Variants in DPYD observed in about 807,000 individuals in gnomAD.
DPYD encodes dihydropyrimidine dehydrogenase [NADP(+)].
DPYD carries 109 observed loss-of-function variants against 116.2 expected under a neutral mutation model. The observed-to-expected ratio is 0.94, with a 90% confidence interval of 0.80 to 1.10. DPYD has a LOEUF of 1.10. Among genes scored for constraint, DPYD ranks in the 50% least tolerant of loss-of-function variants. DPYD has a pLI of 0.00. For missense variants in DPYD, 1,302 were observed against 1,254.5 expected (o/e 1.04, Z -0.57); for synonymous variants, 440 against 432.0 (o/e 1.02, Z -0.23).
At chr1:97,164,305 C>A (rs1420922168) in intron 20 of DPYD, among the ~76,000 whole-genome samples, 1 of 152,092 alleles carries the variant, frequency 6.6e-6, no homozygotes, top group Non-Finnish European at 1.5e-5. Context: ...ATATGACAAA[C>A]CCACAGCCAA....
intron 18 of DPYD, among the ~76,000 whole-genome samples, chr1:97,266,578 G>C (rs914256860): frequency 6.6e-6 from 1 of 151,676 alleles, no homozygotes; most frequent in African/African-American, 2.4e-5. Context: ...TGTGCACAAC[G>C]GGCAGGTTTG....
intron 20 of DPYD, among the ~76,000 whole-genome samples, chr1:97,113,843 A>G (rs796809974): frequency 2.0e-5 from 3 of 152,224 alleles, no homozygotes; most frequent in African/African-American, 7.2e-5. Context: ...GCATCTGGTA[A>G]CTTGACGATA....
At chr1:97,364,788 C>A (rs956181341) in intron 16 of DPYD, among the ~76,000 whole-genome samples, 1 of 152,136 alleles carries the variant, frequency 6.6e-6, no homozygotes, top group Non-Finnish European at 1.5e-5. Flanking sequence ...AAAGAGCCTT[C>A]AGTCTTCAGC....
chr1:97,272,567 C>T (rs962425508), intron 18 of DPYD, among the ~76,000 whole-genome samples: 2 of 152,078 alleles, frequency 1.3e-5, no homozygotes, highest in Non-Finnish European at 2.9e-5. Flanking sequence ...TCTCTATATA[C>T]TATAATTACA....
chr1:97,228,892 A>C lies in DPYD; in HGVS notation c.2442+5960T>G, dbSNP rs117940055. Among the ~76,000 whole-genome samples, 175 of 152,124 alleles carry C rather than the reference A, an allele frequency of 1.2e-3. 1 individual carries two copies. In the East Asian group the frequency reaches 0.031, roughly 27 times the overall value. On this transcript the variant is annotated intron_variant, in intron 19 of 22. Coordinates refer to ENST00000370192, the MANE Select transcript of DPYD (RefSeq NM_000110.4). ...GAGCTGTATGAAAAAGATTCGAACT[A>C]ACTGCAAGAAAGAATTTGAGGCTGG...
At position 97,177,037 on chromosome 1, in the gene DPYD, T is replaced by A. The variant is rs147730050; in HGVS notation, c.2622+16032A>T. ...TCCTACTAGACTTTGTTTCAGGTTA[T>A]CTAGGAAAACATTCTGAAACTCATC... On this transcript the variant is annotated intron_variant, in intron 20 of 22. Coordinates refer to ENST00000370192, the MANE Select transcript of DPYD (RefSeq NM_000110.4). Among the ~76,000 whole-genome samples, 276 of 152,252 alleles carry A rather than the reference T, an allele frequency of 1.8e-3. 3 individuals carry two copies. Among genetic ancestry groups the A allele is most frequent in the African/African-American group, 6.4e-3 (264 of 41,548 alleles).
chr1:97,861,539 T>A (rs938195659), intron 2 of DPYD, among the ~76,000 whole-genome samples: 1 of 151,906 alleles, frequency 6.6e-6, no homozygotes, highest in Admixed American at 6.6e-5. Flanking sequence ...AATTATATAA[T>A]TTGTTATATA....
intron 5 of DPYD, among the ~76,000 whole-genome samples, chr1:97,702,180 A>G (rs1661634915): frequency 6.6e-6 from 1 of 151,452 alleles, no homozygotes; most frequent in African/African-American, 2.4e-5. Context: ...GTTAAAATAT[A>G]TTTTATATTT....
intron 3 of DPYD, chr1:97,774,691 A>C (rs768648653): frequency 3.3e-5 from 6 of 183,376 alleles, no homozygotes; most frequent in Non-Finnish European, 7.4e-5. Context: ...ATCACATTCT[A>C]CTGAGAGTTT....
At chr1:97,277,374 A>T (rs1017948906) in intron 18 of DPYD, among the ~76,000 whole-genome samples, 9 of 139,058 alleles carry the variant, frequency 6.5e-5, no homozygotes, top group Admixed American at 1.1e-4. Flanking sequence ...AGTTGAAATT[A>T]AAAAAAAAAA....
intron 16 of DPYD, among the ~76,000 whole-genome samples, chr1:97,310,463 G>A (rs2101054989): frequency 6.6e-6 from 1 of 151,928 alleles, no homozygotes; most frequent in African/African-American, 2.4e-5. Flanking sequence ...AAGACTAGAA[G>A]TAGCTGCAAC....
chr1:97,215,952 T>C (rs1570688693), intron 19 of DPYD, among the ~76,000 whole-genome samples: 1 of 152,208 alleles, frequency 6.6e-6, no homozygotes, highest in East Asian at 1.9e-4. Flanking sequence ...CCTGCGGTAA[T>C]TGCAAATTAA....
chr1:97,187,551 T>C (rs1658082844), intron 20 of DPYD, among the ~76,000 whole-genome samples: 1 of 152,174 alleles, frequency 6.6e-6, no homozygotes, highest in Non-Finnish European at 1.5e-5. Flanking sequence ...ATTATTTCAT[T>C]TGCTGTGCAG....
chr1:97,335,986 T>C (rs900074599), intron 16 of DPYD, among the ~76,000 whole-genome samples: 2 of 152,180 alleles, frequency 1.3e-5, no homozygotes, highest in Admixed American at 6.5e-5. Flanking sequence ...TCTCTATCTC[T>C]TCAAGTCTCT....
At chr1:97,745,155 G>T (rs1242502184) in intron 3 of DPYD, among the ~76,000 whole-genome samples, 1 of 151,914 alleles carries the variant, frequency 6.6e-6, no homozygotes. Context: ...AATAGCTTAG[G>T]GCTATCTGGA....
intron 2 of DPYD, among the ~76,000 whole-genome samples, chr1:97,851,057 AAT>A (rs1244724832): frequency 1.3e-5 from 2 of 152,022 alleles, no homozygotes; most frequent in Admixed American, 6.6e-5. Context: ...TCATAAGTTA[AAT>A]ATGTCATAAT....
chr1:97,568,759 A>C, intron 11 of DPYD, among the ~76,000 whole-genome samples: 1 of 152,164 alleles, frequency 6.6e-6, no homozygotes, highest in East Asian at 1.9e-4. Context: ...AACTCATAAG[A>C]AAATTAATAC....
intron 8 of DPYD, among the ~76,000 whole-genome samples, chr1:97,616,047 T>C (rs1359806930): frequency 6.6e-6 from 1 of 152,068 alleles, no homozygotes; most frequent in Non-Finnish European, 1.5e-5. Context: ...CAAACAGAAA[T>C]AGCAGATTCC....
In DPYD at chr1:97,289,111, C is replaced by T. The variant is rs867549344; in HGVS notation, c.2299+16148G>A. On this transcript the variant is annotated intron_variant, in intron 18 of 22. Coordinates refer to ENST00000370192, the MANE Select transcript of DPYD (RefSeq NM_000110.4). ...GAAGAAATGGATAAATTCCTTGACACATACACCCTCCCAAGACTAAACCAA... is the reference window on the plus strand; with the variant it reads ...GAAGAAATGGATAAATTCCTTGACATATACACCCTCCCAAGACTAAACCAA... 1.1e-4 allele frequency among the ~76,000 whole-genome samples: 16 copies of T among 152,308 alleles called. No homozygotes were observed. The Middle Eastern group carries it at 0.01, about 97-fold the overall frequency.
Sources: gnomAD v4.1 joint callset for allele counts (sites outside exome capture counted in the v4.1 genomes callset) on GRCh38, gnomAD v4.1.1 for gene constraint, MANE v1.5 for transcripts, NCBI Gene and HGNC (gene_info 2026-07-23, HGNC 2026-07-21) for gene names.